The following MYLK variants were observed in gnomAD, a reference collection of about 807,000 sequenced individuals.
MYLK encodes myosin light chain kinase, smooth muscle.
Under a neutral mutation model 203.4 loss-of-function variants are expected in MYLK, and 106 were observed. The observed-to-expected ratio is 0.52, with a 90% CI of 0.45 to 0.61. MYLK has a LOEUF of 0.61. MYLK is among the 20% of genes least tolerant of loss of function. The pLI, the probability that MYLK is intolerant of heterozygous loss-of-function variation, is 0.00. For synonymous variants in MYLK, 867 were observed against 959.5 expected, an observed-to-expected ratio of 0.90 and a Z score of 1.78; for missense variants, 2,072 against 2,442.3, an observed-to-expected ratio of 0.85 and a Z score of 3.20.
At chr3:123,771,857 AG>A (rs1294646106) in intron 4 of MYLK, among the ~76,000 whole-genome samples, 1 of 152,208 alleles carries the variant, frequency 6.6e-6, no homozygotes, top group African/African-American at 2.4e-5. Context: ...TAATTTATTG[AG>A]CACTGAAAGT....
At chr3:123,804,695 C>T (rs2065309481) in intron 3 of MYLK, among the ~76,000 whole-genome samples, 1 of 152,164 alleles carries the variant, frequency 6.6e-6, no homozygotes, top group Non-Finnish European at 1.5e-5. Context: ...ATTCTGAGGG[C>T]ATGGGCACAA....
intron 5 of MYLK, among the ~76,000 whole-genome samples, chr3:123,740,244 G>C (rs988557237): frequency 4.1e-4 from 8 of 19,552 alleles, no homozygotes; most frequent in African/African-American, 4.7e-4. Context: ...AGAGAAATAA[G>C]ATTCAGAGAA....
chr3:123,877,237 A>G (rs2033208095), intron 1 of MYLK, among the ~76,000 whole-genome samples: 1 of 152,132 alleles, frequency 6.6e-6, no homozygotes, highest in African/African-American at 2.4e-5. Context: ...GGCTGCTATG[A>G]GACTGGGCTT....
chr3:123,653,211 C>T (rs1258794815), intron 24 of MYLK, among the ~76,000 whole-genome samples: 2 of 152,068 alleles, frequency 1.3e-5, no homozygotes, highest in East Asian at 3.9e-4. Context: ...CCTACAATGA[C>T]CTGTCACTTG....
chr3:123,853,730 T>G (rs139614311), intron 2 of MYLK, among the ~76,000 whole-genome samples: 1 of 152,236 alleles, frequency 6.6e-6, no homozygotes, highest in African/African-American at 2.4e-5. Context: ...ACTTCCAACC[T>G]GATGCTATAA....
At chr3:123,823,191 G>A (rs916067023) in intron 3 of MYLK, among the ~76,000 whole-genome samples, 23 of 152,094 alleles carry the variant, frequency 1.5e-4, no homozygotes, top group Admixed American at 5.9e-4. Context: ...CCTTTTCCCC[G>A]TCTCTAAATG....
intron 3 of MYLK, among the ~76,000 whole-genome samples, chr3:123,801,256 G>A (rs2109158652): frequency 6.6e-6 from 1 of 152,308 alleles, no homozygotes; most frequent in Middle Eastern, 3.4e-3. Context: ...AAGGGACCCT[G>A]GAAGAGTCTC....
rs9857677 is a variant in MYLK at position 123,712,567 on chromosome 3, C to T, written c.1805-2674G>A. On this transcript the variant is annotated intron_variant, in intron 13 of 33. Transcript: ENST00000360304. ...TGGGGGTTTGGCAAAGCCAAGTCAC[C>T]CTGTGGGTCTCAGCCATTGGGGACT... Among the ~76,000 whole-genome samples the T allele has an allele frequency of 9.5e-3, 1,444 of 152,336 alleles. 24 individuals are homozygous for T. The highest frequency in any genetic ancestry group is 0.033 in the African/African-American group (1,392 of 41,566).
intron 20 of MYLK, among the ~76,000 whole-genome samples, chr3:123,678,598 A>C (rs1419335168): frequency 6.6e-6 from 1 of 151,956 alleles, no homozygotes; most frequent in Non-Finnish European, 1.5e-5. Flanking sequence ...GGAAAGATGG[A>C]TTTCCCTCTT....
At chr3:123,665,056 C>T (rs989392157) in intron 22 of MYLK, among the ~76,000 whole-genome samples, 2 of 152,188 alleles carry the variant, frequency 1.3e-5, no homozygotes, top group Admixed American at 6.5e-5. Flanking sequence ...GATGCTTGCA[C>T]AACCTTGTGA....
At chr3:123,804,912 C>A (rs2065316170) in intron 3 of MYLK, among the ~76,000 whole-genome samples, 1 of 152,092 alleles carries the variant, frequency 6.6e-6, no homozygotes, top group South Asian at 2.1e-4. Flanking sequence ...TGAGCCTAAG[C>A]CATTCAGCTG....
At chr3:123,858,603 C>T (rs1345487635) in intron 2 of MYLK, among the ~76,000 whole-genome samples, 1 of 152,140 alleles carries the variant, frequency 6.6e-6, no homozygotes, top group Non-Finnish European at 1.5e-5. Context: ...ATAACACCAC[C>T]AGTTCTCCTC....
chr3:123,646,177 G>T (rs1489050871), intron 27 of MYLK, among the ~76,000 whole-genome samples: 2 of 152,118 alleles, frequency 1.3e-5, no homozygotes, highest in African/African-American at 4.8e-5. Flanking sequence ...ATATGACAGT[G>T]AGTATAAGAA....
At position 123,700,542 on chromosome 3, in the gene MYLK, G is replaced by A. The variant is rs139107387; in HGVS notation, c.2926C>T (p.Pro976Ser). Residue 976 changes from proline (P) to serine (S), a missense_variant, in exon 18 of 34, where the codon CCT becomes TCT. By Grantham distance (74) the Pro-to-Ser change is moderately conservative (BLOSUM62 -1). Around this residue, in one of 3 missense-constraint regions of MYLK, gnomAD observed 865 missense variants for 1,016.0 expected, o/e 0.85. Transcript: ENST00000360304. The stretch of plus-strand genomic sequence containing the variant: ...ACTGAGCGAAAATCCGGGGTGGCAG[G>A]TTTTGGCGGTGGCACCTTCTCAGGC... ...PVPEKVPPPK[P>S]ATPDFRSVLG... 3.1e-6 allele frequency: 5 copies of A among 1,613,604 alleles called. No individual in the cohort carries two copies. Among genetic ancestry groups the A allele is most frequent in the African/African-American group, 2.7e-5 (2 of 74,900 alleles).
intron 4 of MYLK, among the ~76,000 whole-genome samples, chr3:123,760,163 A>AGTATGTAT (rs79330261): frequency 1.3e-5 from 2 of 151,862 alleles, no homozygotes; most frequent in Non-Finnish European, 2.9e-5. Flanking sequence ...TCCATGGAGA[A>AGTATGTAT]GTATGTATGT....
At position 123,772,118 on chromosome 3, in the gene MYLK, T is replaced by C. The variant is rs531125598; in HGVS notation, c.166-19580A>G. ...AAATTTAAGAAATGTGAAGATCCTA[T>C]ATAATTAAAGTTTCAAAACTTTCTA... On this transcript the variant is annotated intron_variant, in intron 4 of 33. Coordinates refer to ENST00000360304, the MANE Select transcript of MYLK (RefSeq NM_053025.4). 4.0e-3 allele frequency among the ~76,000 whole-genome samples: 612 copies of C among 152,268 alleles called. 4 individuals are homozygous for C. Among genetic ancestry groups the C allele is most frequent in the Middle Eastern group, 0.01 (3 of 294 alleles).
At chr3:123,660,544 C>T (rs1382706454) in intron 23 of MYLK, among the ~76,000 whole-genome samples, 3 of 152,098 alleles carry the variant, frequency 2.0e-5, no homozygotes, top group African/African-American at 7.2e-5. Flanking sequence ...AATTCCTGGG[C>T]TGCCTTTTAA....
In MYLK at chr3:123,843,943, A is replaced by G. The variant is rs551813527; in HGVS notation, c.-126-12273T>C. On this transcript the variant is annotated intron_variant, in intron 2 of 33. Coordinates refer to ENST00000360304, the MANE Select transcript of MYLK (RefSeq NM_053025.4). Reference sequence around the variant, plus strand: ...ATGCTTCTTGAGTCAGCAACAAAGGAACTCACTGAACCTCAACTAATCTCA... The same window carrying G: ...ATGCTTCTTGAGTCAGCAACAAAGGGACTCACTGAACCTCAACTAATCTCA... 2.0e-5 allele frequency among the ~76,000 whole-genome samples: 3 copies of G among 152,264 alleles called. No individual in the cohort carries two copies. The East Asian group carries it at 5.8e-4, about 29-fold the overall frequency.
intron 4 of MYLK, among the ~76,000 whole-genome samples, chr3:123,765,798 T>G (rs1443845257): frequency 6.6e-6 from 1 of 152,164 alleles, no homozygotes; most frequent in Non-Finnish European, 1.5e-5. Flanking sequence ...CTTGAAGACA[T>G]TATGCTAAGT....
Sources: allele counts gnomAD v4.1 joint callset (sites outside exome capture counted in the v4.1 genomes callset), GRCh38; gene constraint gnomAD v4.1.1; regional missense constraint gnomAD v4.1.1; transcripts MANE v1.5; gene names NCBI Gene and HGNC (gene_info 2026-07-23, HGNC 2026-07-21).